ARB2A: variants seen among roughly 807,000 people sequenced by gnomAD.
ARB2A encodes ARB2 cotranscriptional regulator A.
At chr5:93,649,065 T>C in the ARB2A span, among the ~76,000 whole-genome samples, 9 of 152,280 alleles carry the variant, frequency 5.9e-5, no homozygotes, top group African/African-American at 2.2e-4. Flanking sequence ...AAATCACCAA[T>C]AATCCTACTG....
chr5:93,918,325 G>A, the ARB2A span, among the ~76,000 whole-genome samples: 1 of 152,162 alleles, frequency 6.6e-6, no homozygotes, highest in Non-Finnish European at 1.5e-5. Context: ...ACATGTGTGG[G>A]AAGAAGTGAT....
the ARB2A span, among the ~76,000 whole-genome samples, chr5:93,779,571 T>C: frequency 1.8e-3 from 272 of 152,192 alleles, 1 homozygote; most frequent in Non-Finnish European, 3.0e-3. Flanking sequence ...GGCAACAAGG[T>C]ATGTTGAACT....
the ARB2A span, among the ~76,000 whole-genome samples, chr5:93,636,658 T>TTACAGCAGCCTGAATA: frequency 2.0e-5 from 3 of 152,246 alleles, no homozygotes; most frequent in Admixed American, 6.5e-5. Flanking sequence ...TCACAGTCTG[T>TTACAGCAGCCTGAATA]TACAGCAGCC....
the ARB2A span, among the ~76,000 whole-genome samples, chr5:94,057,304 T>C: frequency 1.3e-5 from 2 of 152,146 alleles, no homozygotes; most frequent in Admixed American, 1.3e-4. Context: ...ATATATTATA[T>C]GATTGCACAT....
the ARB2A span, among the ~76,000 whole-genome samples, chr5:93,964,764 T>C: frequency 1.3e-5 from 2 of 152,064 alleles, no homozygotes; most frequent in South Asian, 4.1e-4. Context: ...AACAAAAATA[T>C]ACACAACTTT....
At chr5:93,843,222 C>T in the ARB2A span, among the ~76,000 whole-genome samples, 1 of 151,998 alleles carries the variant, frequency 6.6e-6, no homozygotes, top group South Asian at 2.1e-4. Flanking sequence ...ACTTTTTAAT[C>T]CCTACTGATA....
chr5:93,672,508 C>A, the ARB2A span, among the ~76,000 whole-genome samples: 1 of 151,950 alleles, frequency 6.6e-6, no homozygotes, highest in Non-Finnish European at 1.5e-5. Context: ...CGGGGTTTCA[C>A]CATGTTGGCC....
chr5:93,714,629 A>C, the ARB2A span, among the ~76,000 whole-genome samples: 1 of 152,120 alleles, frequency 6.6e-6, no homozygotes, highest in Non-Finnish European at 1.5e-5. Flanking sequence ...ATTGTTTCTA[A>C]TGTGTGTCAC....
At chr5:93,798,094 C>G in the ARB2A span, among the ~76,000 whole-genome samples, 1 of 152,130 alleles carries the variant, frequency 6.6e-6, no homozygotes, top group Admixed American at 6.5e-5. Flanking sequence ...ACAGTCAGAG[C>G]ACAAAAGAAG....
At chr5:93,737,099 A>G in the ARB2A span, 1 of 152,266 alleles carries the variant, frequency 6.6e-6, no homozygotes. Flanking sequence ...CATAAGTCGC[A>G]GGATACAAAA....
chr5:93,859,001 G>A, the ARB2A span, among the ~76,000 whole-genome samples: 1 of 151,960 alleles, frequency 6.6e-6, no homozygotes, highest in African/African-American at 2.4e-5. Context: ...AAATACTGCA[G>A]GTTCTATAAA....
the ARB2A span, among the ~76,000 whole-genome samples, chr5:94,047,111 A>G: frequency 1.3e-5 from 2 of 152,186 alleles, no homozygotes; most frequent in East Asian, 3.8e-4. Context: ...AAATATGTTT[A>G]CTTTTGATCA....
chr5:93,706,839 C>T, the ARB2A span, among the ~76,000 whole-genome samples: 1 of 149,598 alleles, frequency 6.7e-6, no homozygotes, highest in South Asian at 2.1e-4. Context: ...GCACCCTAGC[C>T]TGGCAACAGA....
the ARB2A span, among the ~76,000 whole-genome samples, chr5:93,779,944 A>G: frequency 3.3e-5 from 5 of 152,174 alleles, no homozygotes; most frequent in African/African-American, 1.2e-4. Flanking sequence ...GGTCAACAAT[A>G]TTTCAGAGTA....
the ARB2A span, among the ~76,000 whole-genome samples, chr5:93,637,354 G>GTTTTTT: frequency 6.0e-5 from 7 of 116,106 alleles, no homozygotes; most frequent in East Asian, 2.8e-4. Context: ...GGGTTGTTTA[G>GTTTTTT]TTTTTTTTTT....
At chr5:93,736,543 G>A in the ARB2A span, 2 of 152,142 alleles carry the variant, frequency 1.3e-5, no homozygotes, top group African/African-American at 4.8e-5. Context: ...AAGATGTCAT[G>A]AGAATGAGAT....
chr5:94,110,081 C>A, the ARB2A span, among the ~76,000 whole-genome samples: 1 of 151,992 alleles, frequency 6.6e-6, no homozygotes, highest in Non-Finnish European at 1.5e-5. Context: ...AGACGGGGTT[C>A]ACCGTGTTGC....
the ARB2A span, chr5:93,743,510 G>A: frequency 1.3e-5 from 13 of 980,424 alleles, no homozygotes; most frequent in Non-Finnish European, 1.3e-5. Flanking sequence ...AACTTTGCTG[G>A]TATCTATTCT....
the ARB2A span, among the ~76,000 whole-genome samples, chr5:93,885,272 A>C: frequency 1.3e-5 from 2 of 151,566 alleles, no homozygotes; most frequent in African/African-American, 4.8e-5. Context: ...ATCAAGTATA[A>C]TATCTTAAAA....
Sources: allele counts gnomAD v4.1 joint callset (sites outside exome capture counted in the v4.1 genomes callset), GRCh38; gene constraint gnomAD v4.1.1; transcripts MANE v1.5; gene names NCBI Gene and HGNC (gene_info 2026-07-23, HGNC 2026-07-21).